DCC: variants seen among roughly 807,000 people sequenced by gnomAD.
DCC encodes netrin receptor DCC.
A neutral mutation model predicts 172.5 loss-of-function variants in DCC; 58 were observed. The observed-to-expected ratio is 0.34, with a 90% confidence interval of 0.27 to 0.42. The LOEUF is 0.42. Among genes scored for constraint, DCC ranks in the 10% least tolerant of loss-of-function variants. The pLI, the probability that DCC is intolerant of heterozygous loss-of-function variation, is 1.00. For synonymous variants in DCC, 709 were observed against 644.5 expected, an observed-to-expected ratio of 1.10 and a Z score of -1.52; for missense variants, 1,740 against 1,791.0, an observed-to-expected ratio of 0.97 and a Z score of 0.51.
intron 1 of DCC, among the ~76,000 whole-genome samples, chr18:52,452,148 C>T (rs1425642465): frequency 2.0e-5 from 3 of 152,146 alleles, no homozygotes; most frequent in Non-Finnish European, 4.4e-5. Flanking sequence ...TTCACAAGGA[C>T]TCAACTAAAG....
intron 2 of DCC, among the ~76,000 whole-genome samples, chr18:52,855,458 C>T (rs535190164): frequency 5.1e-4 from 78 of 152,182 alleles, no homozygotes; most frequent in Middle Eastern, 3.4e-3. Context: ...AACATAATGC[C>T]GTATTTTGTC....
intron 15 of DCC, among the ~76,000 whole-genome samples, chr18:53,354,626 T>C (rs963760051): frequency 1.3e-5 from 2 of 152,200 alleles, no homozygotes; most frequent in African/African-American, 4.8e-5. Context: ...TTTTTTCTTG[T>C]AAATTTAAGT....
intron 1 of DCC, among the ~76,000 whole-genome samples, chr18:52,706,804 TA>T (rs1410180781): frequency 1.3e-5 from 2 of 152,210 alleles, no homozygotes; most frequent in Non-Finnish European, 2.9e-5. Flanking sequence ...TCACCCACTG[TA>T]AACAAACTCT....
intron 7 of DCC, among the ~76,000 whole-genome samples, chr18:53,153,967 C>A (rs575241684): frequency 5.3e-5 from 8 of 152,174 alleles, no homozygotes; most frequent in Admixed American, 1.3e-4. Context: ...CTGAGCTGTT[C>A]GAATATTTGC....
intron 24 of DCC, among the ~76,000 whole-genome samples, chr18:53,465,037 T>G (rs751016565): frequency 2.7e-5 from 4 of 150,140 alleles, no homozygotes; most frequent in Non-Finnish European, 5.9e-5. Context: ...TGGTTGGATC[T>G]AGAGTTACTT....
intron 1 of DCC, among the ~76,000 whole-genome samples, chr18:52,594,676 G>C (rs142915700): frequency 6.6e-6 from 1 of 152,282 alleles, no homozygotes; most frequent in African/African-American, 2.4e-5. Context: ...GCTGGCATCT[G>C]GTTCTGGGGA....
At chr18:53,163,068 A>C (rs769929767) in intron 8 of DCC, among the ~76,000 whole-genome samples, 1 of 152,224 alleles carries the variant, frequency 6.6e-6, no homozygotes, top group Non-Finnish European at 1.5e-5. Context: ...TGATTACATT[A>C]CTGTTATGGC....
At chr18:52,386,821 A>C (rs1985818074) in intron 1 of DCC, among the ~76,000 whole-genome samples, 1 of 152,108 alleles carries the variant, frequency 6.6e-6, no homozygotes, top group African/African-American at 2.4e-5. Flanking sequence ...CACATTACAC[A>C]ACATGTATCA....
At chr18:53,345,548 T>C (rs1309448360) in intron 15 of DCC, among the ~76,000 whole-genome samples, 6 of 152,196 alleles carry the variant, frequency 3.9e-5, no homozygotes, top group African/African-American at 1.4e-4. Context: ...TACCCAGATA[T>C]ATGACATTTC....
At chr18:52,812,224 C>G (rs895211641) in intron 2 of DCC, among the ~76,000 whole-genome samples, 6 of 152,096 alleles carry the variant, frequency 3.9e-5, no homozygotes, top group African/African-American at 1.4e-4. Flanking sequence ...GCTACCCTTT[C>G]TGATATTATT....
intron 2 of DCC, among the ~76,000 whole-genome samples, chr18:52,791,228 C>T (rs2037761337): frequency 6.6e-6 from 1 of 152,120 alleles, no homozygotes; most frequent in African/African-American, 2.4e-5. Flanking sequence ...GCAATGCTTG[C>T]AAAGGTCTAG....
At chr18:53,488,582 G>A (rs146136245) in intron 26 of DCC, among the ~76,000 whole-genome samples, 64 of 151,870 alleles carry the variant, frequency 4.2e-4, no homozygotes, top group African/African-American at 1.4e-3. Context: ...TACTCTTTCC[G>A]TTTTCCTCTT....
At chr18:53,383,118 G>A (rs914731377) in intron 15 of DCC, among the ~76,000 whole-genome samples, 1 of 152,050 alleles carries the variant, frequency 6.6e-6, no homozygotes, top group African/African-American at 2.4e-5. Flanking sequence ...ATCAGACTAA[G>A]TAGGTTTGAT....
chr18:53,077,263 G>A (rs2042736606), intron 7 of DCC, among the ~76,000 whole-genome samples: 1 of 151,904 alleles, frequency 6.6e-6, no homozygotes, highest in African/African-American at 2.4e-5. Flanking sequence ...AAAGTAGGTG[G>A]TGTGGTATAC....
chr18:53,048,967 CTGTA>C (rs1356187704), intron 5 of DCC, among the ~76,000 whole-genome samples: 1 of 151,924 alleles, frequency 6.6e-6, no homozygotes, highest in Admixed American at 6.6e-5. Flanking sequence ...TTCTTGTTGA[CTGTA>C]TGTATGTCTT....
At chr18:52,584,915 C>G (rs2033637488) in intron 1 of DCC, among the ~76,000 whole-genome samples, 1 of 152,110 alleles carries the variant, frequency 6.6e-6, no homozygotes, top group African/African-American at 2.4e-5. Context: ...GCATATGGCT[C>G]TAGTCACATT....
intron 18 of DCC, among the ~76,000 whole-genome samples, chr18:53,402,476 T>C (rs1909367804): frequency 6.6e-6 from 1 of 152,162 alleles, no homozygotes; most frequent in Non-Finnish European, 1.5e-5. Flanking sequence ...TTCTTCATTC[T>C]TATAATGATT....
intron 19 of DCC, among the ~76,000 whole-genome samples, chr18:53,405,144 G>T (rs1295420766): frequency 1.3e-5 from 2 of 150,250 alleles, no homozygotes; most frequent in African/African-American, 4.9e-5. Context: ...GCACAAATTT[G>T]CTATTCTCAG....
intron 12 of DCC, among the ~76,000 whole-genome samples, chr18:53,281,222 T>C (rs1409037620): frequency 2.0e-5 from 3 of 152,158 alleles, no homozygotes; most frequent in Non-Finnish European, 4.4e-5. Context: ...TGCCATCAAC[T>C]TTCCATTTTT....
Sources: allele counts gnomAD v4.1 joint callset (sites outside exome capture counted in the v4.1 genomes callset), GRCh38; gene constraint gnomAD v4.1.1; transcripts MANE v1.5; gene names NCBI Gene and HGNC (gene_info 2026-07-23, HGNC 2026-07-21).